Variants in ASB3 observed in about 807,000 individuals in gnomAD.
ASB3 encodes ankyrin repeat and SOCS box containing 3.
In ASB3, 41 loss-of-function variants were observed where a neutral mutation model predicts 54.5. The observed-to-expected ratio is 0.75, with a 90% CI of 0.59 to 0.98. The LOEUF is 0.98. Ranked by LOEUF, ASB3 falls within the 50% of genes least tolerant of loss-of-function variation. The pLI, the probability that ASB3 is intolerant of heterozygous loss-of-function variation, is 0.00. For missense variants in ASB3, 733 were observed against 620.0 expected (o/e 1.18, Z -1.94); for synonymous variants, 266 against 221.2 (o/e 1.20, Z -1.80).
At chr2:53,750,635 T>C in intron 3 of ASB3, 148 bp downstream of exon 3, 1 of 900,432 alleles carries the variant, frequency 1.1e-6, no homozygotes, top group Non-Finnish European at 1.5e-6. Context: ...AAATATCTTT[T>C]CAGTTTCAAA....
chr2:53,679,095 T>C (rs540384006), intron 9 of ASB3, among the ~76,000 whole-genome samples: 2 of 152,292 alleles, frequency 1.3e-5, no homozygotes, highest in African/African-American at 4.8e-5. Context: ...CTGGATTCCA[T>C]GGGCCCATCA....
intron 5 of ASB3, among the ~76,000 whole-genome samples, chr2:53,718,131 A>G (rs112936547): frequency 6.6e-6 from 1 of 152,240 alleles, no homozygotes; most frequent in African/African-American, 2.4e-5. Context: ...GACATAATTT[A>G]AGAAAATTTC....
intron 5 of ASB3, among the ~76,000 whole-genome samples, chr2:53,718,542 A>T (rs906954461): frequency 3.9e-5 from 6 of 152,190 alleles, no homozygotes; most frequent in Admixed American, 3.3e-4. Context: ...ATGAAAGAAC[A>T]ACACTGATAC....
intron 9 of ASB3, among the ~76,000 whole-genome samples, chr2:53,681,812 T>C (rs1026482926): frequency 6.6e-6 from 1 of 152,184 alleles, no homozygotes; most frequent in Non-Finnish European, 1.5e-5. Flanking sequence ...AGTTTTGTTC[T>C]TTTTGCTCAG....
rs758422060 is a variant in ASB3, at chr2:53,729,473, G to T, written c.453C>A (p.His151Gln). Residue 151 changes from histidine to glutamine, a missense_variant, in exon 4 of 10, where the codon CAC (histidine) becomes CAA (glutamine). By Grantham distance (24) the His-to-Gln change is conservative (BLOSUM62 0). Transcript: ENST00000263634. Reference protein sequence around the residue: ...SHSMCGWNSLHQASFQENAEI... With the variant: ...SHSMCGWNSLQQASFQENAEI... ...CAGAGGTTACCTGAAAAGAAGCCTG[G>T]TGCAAGGAGTTCCATCCACACATAG... 1 of 1,613,724 alleles carries T rather than the reference G, an allele frequency of 6.2e-7. No homozygotes were observed. Among genetic ancestry groups the T allele is most frequent in the Admixed American group, 1.7e-5 (1 of 60,008 alleles).
intron 8 of ASB3, among the ~76,000 whole-genome samples, chr2:53,698,861 T>C (rs1669327508): frequency 6.6e-6 from 1 of 152,196 alleles, no homozygotes; most frequent in Admixed American, 6.5e-5. Context: ...ATATAGGCTT[T>C]TTCTAGACTG....
intron 2 of ASB3, among the ~76,000 whole-genome samples, chr2:53,756,586 A>T (rs1558562721): frequency 6.6e-6 from 1 of 152,160 alleles, no homozygotes; most frequent in Non-Finnish European, 1.5e-5. Flanking sequence ...TGCCCTCACC[A>T]ATGTGGGCAG....
Position 53,750,803 on chromosome 2 carries a change from T to A in ASB3, c.335A>T (p.Glu112Val), listed in dbSNP as rs768257899. ...CTTACCTAAAAACAATGGTGTCGTTTCTTCTAAAGTAGTTGCATTAGGATC... is the reference window on the plus strand; with the variant it reads ...CTTACCTAAAAACAATGGTGTCGTTACTTCTAAAGTAGTTGCATTAGGATC... ...GADPNATTLE[E>V]TTPLFLAVEN... Residue 112 changes from glutamate to valine, a missense_variant, in exon 3 of 10, where the codon GAA becomes GTA. Physicochemically the swap from Glu to Val is moderately radical, Grantham distance 121 (BLOSUM62 -2). Transcript: ENST00000263634. 6.4e-7 allele frequency: 1 copy of A among 1,572,458 alleles called. No individual in the cohort carries two copies. The highest frequency in any genetic ancestry group is 1.2e-5 in the South Asian group (1 of 81,062).
chr2:53,702,973 T>C (rs552254728), intron 7 of ASB3, among the ~76,000 whole-genome samples: 1 of 152,350 alleles, frequency 6.6e-6, no homozygotes, highest in Non-Finnish European at 1.5e-5. Context: ...TTCAGTTTTG[T>C]CAGATGTGCC....
chr2:53,779,199 AT>A (rs1436720705), intron 1 of ASB3, among the ~76,000 whole-genome samples: 1 of 152,204 alleles, frequency 6.6e-6, no homozygotes, highest in Non-Finnish European at 1.5e-5. Context: ...AGAAATGTCT[AT>A]ACAGGTTCCT....
chr2:53,711,758 A>G (rs1019286958), intron 7 of ASB3, among the ~76,000 whole-genome samples: 1 of 152,040 alleles, frequency 6.6e-6, no homozygotes, highest in African/African-American at 2.4e-5. Flanking sequence ...TGGGCAACAC[A>G]GCGAGACAGT....
Position 53,693,923 on chromosome 2 carries a change from C to A in ASB3, c.1330G>T (p.Ala444Ser). ...LAPAVERMLS[A>S]RASNAWILQQ... ...AGAATCCAAGCGTTTGAGGCACGAG[C>A]AGAGAGCATCCTTTCAACAGCTGGT... Residue 444 changes from alanine (A) to serine (S), a missense_variant, in exon 9 of 10, where the codon GCT (alanine) becomes TCT (serine). Ala to Ser is a moderately conservative substitution (Grantham distance 99, BLOSUM62 1). Coordinates refer to ENST00000263634, the MANE Select transcript of ASB3 (RefSeq NM_016115.5). 1 of 1,613,618 alleles carries A rather than the reference C, an allele frequency of 6.2e-7. No homozygotes were observed. The highest frequency in any genetic ancestry group is 8.5e-7 in the Non-Finnish European group (1 of 1,179,642).
At chr2:53,750,578 C>T (rs1392089495) in intron 3 of ASB3, among the ~76,000 whole-genome samples, 1 of 152,008 alleles carries the variant, frequency 6.6e-6, no homozygotes. Flanking sequence ...TAAACAAAGT[C>T]CCAGAAGCTA....
At chr2:53,772,297 C>T (rs369406760) in intron 1 of ASB3, among the ~76,000 whole-genome samples, 2 of 152,082 alleles carry the variant, frequency 1.3e-5, no homozygotes, top group Non-Finnish European at 2.9e-5. Context: ...GCCTCAGCCT[C>T]CCAAGTAGCT....
chr2:53,681,299 T>C (rs746765408), intron 9 of ASB3, among the ~76,000 whole-genome samples: 1 of 152,246 alleles, frequency 6.6e-6, no homozygotes, highest in Non-Finnish European at 1.5e-5. Context: ...CTCCAAATAC[T>C]TTCTCCCCTT....
chr2:53,759,013 C>T (rs1672992860), intron 2 of ASB3, among the ~76,000 whole-genome samples: 1 of 152,190 alleles, frequency 6.6e-6, no homozygotes, highest in Admixed American at 6.5e-5. Context: ...TTTTATCGGA[C>T]ATAGACAGAT....
At chr2:53,735,521 T>C (rs1410566061) in intron 3 of ASB3, among the ~76,000 whole-genome samples, 1 of 144,758 alleles carries the variant, frequency 6.9e-6, no homozygotes, top group African/African-American at 2.6e-5. Flanking sequence ...ACCATGTTCA[T>C]AGATATAAAG....
At chr2:53,761,093 G>T (rs144517398) in intron 2 of ASB3, among the ~76,000 whole-genome samples, 11 of 152,104 alleles carry the variant, frequency 7.2e-5, no homozygotes, top group Non-Finnish European at 1.5e-4. Flanking sequence ...ACTGTTGAGA[G>T]GGGGGACTGA....
intron 9 of ASB3, among the ~76,000 whole-genome samples, chr2:53,691,659 G>A (rs915822107): frequency 6.6e-6 from 1 of 152,016 alleles, no homozygotes; most frequent in Non-Finnish European, 1.5e-5. Flanking sequence ...AGGGAGTCCC[G>A]ATGACCAACA....
Sources: allele counts gnomAD v4.1 joint callset (sites outside exome capture counted in the v4.1 genomes callset), GRCh38; gene constraint gnomAD v4.1.1; transcripts MANE v1.5; gene names NCBI Gene and HGNC (gene_info 2026-07-23, HGNC 2026-07-21).